Variants in MTMR8 observed in about 807,000 individuals in gnomAD.
The protein encoded by MTMR8 is myotubularin related protein 8, also known as phosphatidylinositol-3,5-bisphosphate 3-phosphatase MTMR8.
MTMR8 carries 65 observed loss-of-function variants against 39.3 expected under a neutral mutation model. The ratio of observed to expected loss-of-function variants is 1.65; its 90% CI spans 1.35 to 2.03. The LOEUF (loss-of-function observed/expected upper bound fraction) is 2.03. MTMR8 is among the 30% of genes most tolerant of loss of function. MTMR8 has a pLI of 0.00. For missense variants in MTMR8, 777 were observed against 538.9 expected (o/e 1.44, Z -4.37); for synonymous variants, 245 against 185.2 (o/e 1.32, Z -2.62).
chrX:64,345,101 A>G lies in MTMR8; in HGVS notation c.809T>C (p.Phe270Ser), dbSNP rs896034903. 1.7e-6 allele frequency: 2 copies of G among 1,210,874 alleles called. No individual in the cohort carries two copies. The highest frequency in any genetic ancestry group is 3.5e-5 in the African/African-American group (2 of 57,787). ...TACATGGATGTTCTCAATGCCCATG[A>G]ATCTGAAGCGAATGTTGGCATAGTT... ...EDNYANIRFR[F>S]MGIENIHVMR... The change falls in exon 7 of 14, where the codon TTC (phenylalanine) becomes TCC (serine). Residue 270 changes from phenylalanine (F) to serine (S), a missense_variant. Physicochemically the swap from Phe to Ser is radical, Grantham distance 155. Transcript: ENST00000374852.
At chrX:64,359,948 AAAAAC>A (rs1476657238) in intron 1 of MTMR8, among the ~76,000 whole-genome samples, 1 of 108,831 alleles carries the variant, frequency 9.2e-6, no homozygotes, top group African/African-American at 3.4e-5. Flanking sequence ...AGAAAAAGAG[AAAAAC>A]AAAACAAAAA....
intron 1 of MTMR8, 124 bp from the exon 2 acceptor site, chrX:64,359,651 C>A: frequency 1.5e-6 from 1 of 679,174 alleles, no homozygotes; most frequent in Non-Finnish European, 2.1e-6. Context: ...CCAGTTCCTG[C>A]CAAGGTGGCA....
chrX:64,287,003 G>A (rs1294364032), intron 12 of MTMR8, among the ~76,000 whole-genome samples: 1 of 111,291 alleles, frequency 9.0e-6, no homozygotes, highest in Non-Finnish European at 1.9e-5. Flanking sequence ...TATTCAATTA[G>A]GAAAAGAGGA....
intron 10 of MTMR8, among the ~76,000 whole-genome samples, chrX:64,332,505 C>T (rs1166626645): frequency 2.7e-5 from 3 of 111,994 alleles, no homozygotes; most frequent in African/African-American, 9.7e-5. Flanking sequence ...TAAAACAAAG[C>T]AGAGGTGGGT....
intron 1 of MTMR8, among the ~76,000 whole-genome samples, chrX:64,371,774 C>A (rs977492458): frequency 2.7e-5 from 3 of 110,142 alleles, no homozygotes; most frequent in Admixed American, 2.0e-4. Flanking sequence ...ACCTGTATGT[C>A]CAATAATAGG....
intron 4 of MTMR8, among the ~76,000 whole-genome samples, chrX:64,351,344 T>A (rs1345570316): frequency 9.0e-6 from 1 of 111,034 alleles, no homozygotes; most frequent in Admixed American, 9.6e-5. Flanking sequence ...TACCAGAAAG[T>A]CAATGCAATA....
intron 10 of MTMR8, among the ~76,000 whole-genome samples, chrX:64,335,001 A>G (rs1473255446): frequency 8.9e-6 from 1 of 111,993 alleles, no homozygotes; most frequent in Non-Finnish European, 1.9e-5. Flanking sequence ...GACTGGTCCA[A>G]TGTTTGTGGG....
At chrX:64,297,062 G>C (rs1242798927) in intron 12 of MTMR8, among the ~76,000 whole-genome samples, 1 of 94,612 alleles carries the variant, frequency 1.1e-5, no homozygotes, top group Non-Finnish European at 2.1e-5. Context: ...TGTCTTTATA[G>C]CAGCATGATT....
At chrX:64,321,480 G>A (rs1922643280) in intron 12 of MTMR8, among the ~76,000 whole-genome samples, 1 of 111,883 alleles carries the variant, frequency 8.9e-6, no homozygotes, top group Non-Finnish European at 1.9e-5. Flanking sequence ...GATTTCAGCA[G>A]GTAAAAGAAT....
intron 5 of MTMR8, among the ~76,000 whole-genome samples, chrX:64,349,331 G>T (rs144261744): frequency 9.0e-6 from 1 of 111,460 alleles, no homozygotes; most frequent in Admixed American, 9.5e-5. Context: ...CATGAAATTC[G>T]TTACACTTTG....
intron 12 of MTMR8, among the ~76,000 whole-genome samples, chrX:64,302,888 T>C (rs1921949366): frequency 8.9e-6 from 1 of 112,151 alleles, no homozygotes; most frequent in Non-Finnish European, 1.9e-5. Context: ...CATATATTAA[T>C]AGACATGTCA....
intron 12 of MTMR8, among the ~76,000 whole-genome samples, chrX:64,291,097 G>A (rs1921381035): frequency 9.0e-6 from 1 of 111,376 alleles, no homozygotes; most frequent in Non-Finnish European, 1.9e-5. Flanking sequence ...ACATAAATGA[G>A]CCAAAGGTAG....
intron 12 of MTMR8, among the ~76,000 whole-genome samples, chrX:64,276,488 T>C (rs1931874795): frequency 8.9e-6 from 1 of 111,838 alleles, no homozygotes; most frequent in Non-Finnish European, 1.9e-5. Flanking sequence ...CTTATTTATC[T>C]CTGCCTTAAT....
chrX:64,383,563 A>G (rs1440769740), intron 1 of MTMR8, among the ~76,000 whole-genome samples: 1 of 109,965 alleles, frequency 9.1e-6, no homozygotes, highest in Non-Finnish European at 1.9e-5. Context: ...GCCTCAGGAA[A>G]CTCACAATCA....
At chrX:64,295,521 A>G (rs1921545852) in intron 12 of MTMR8, among the ~76,000 whole-genome samples, 1 of 111,570 alleles carries the variant, frequency 9.0e-6, no homozygotes, top group Non-Finnish European at 1.9e-5. Flanking sequence ...GAGAATAAAA[A>G]GGTAACCAGA....
chrX:64,312,275 G>C (rs1324288991), intron 12 of MTMR8, among the ~76,000 whole-genome samples: 8 of 111,607 alleles, frequency 7.2e-5, no homozygotes, highest in Non-Finnish European at 1.5e-4. Flanking sequence ...ATTTTGAATG[G>C]GAATTCACTC....
chrX:64,377,072 T>G (rs1399160667), intron 1 of MTMR8, among the ~76,000 whole-genome samples: 3 of 112,175 alleles, frequency 2.7e-5, no homozygotes, highest in Non-Finnish European at 5.6e-5. Flanking sequence ...AGGGCAAGAG[T>G]TGAGGCCTAG....
At chrX:64,383,828 T>C (rs1924494153) in intron 1 of MTMR8, among the ~76,000 whole-genome samples, 1 of 111,061 alleles carries the variant, frequency 9.0e-6, no homozygotes, top group Admixed American at 9.6e-5. Flanking sequence ...AACCAAACCA[T>C]ATCATTCTGC....
At chrX:64,378,783 T>C (rs1924336783) in intron 1 of MTMR8, among the ~76,000 whole-genome samples, 1 of 111,259 alleles carries the variant, frequency 9.0e-6, no homozygotes, top group Non-Finnish European at 1.9e-5. Context: ...ACTTCTGAAA[T>C]ATTATAGAGT....
Sources: gnomAD v4.1 joint callset for allele counts (sites outside exome capture counted in the v4.1 genomes callset) on GRCh38, gnomAD v4.1.1 for gene constraint, MANE v1.5 for transcripts, NCBI Gene and HGNC (gene_info 2026-07-23, HGNC 2026-07-21) for gene names.